Variants in TPRG1 observed in about 807,000 individuals in gnomAD.
The protein encoded by TPRG1 is tumor protein p63 regulated 1.
Under a neutral mutation model 29.3 loss-of-function variants are expected in TPRG1, and 29 were observed. The observed-to-expected ratio is 0.99, with a 90% CI of 0.74 to 1.35. The LOEUF is 1.35. TPRG1 is among the 40% of genes most tolerant of loss of function. TPRG1 has a pLI of 0.00. For missense variants in TPRG1, 327 were observed against 335.0 expected, an observed-to-expected ratio of 0.98 and a Z score of 0.19; for synonymous variants, 130 against 116.8, an observed-to-expected ratio of 1.11 and a Z score of -0.73.
intron 4 of TPRG1, among the ~76,000 whole-genome samples, chr3:189,087,679 T>C (rs1718047343): frequency 1.3e-5 from 2 of 152,228 alleles, no homozygotes; most frequent in South Asian, 4.1e-4. Context: ...GAATTAGTTT[T>C]TGTATAAGGT....
chr3:189,309,939 C>T (rs1722220834), intron 4 of TPRG1: 1 of 152,550 alleles, frequency 6.6e-6, no homozygotes, highest in African/African-American at 2.4e-5. Flanking sequence ...GTATATTCTA[C>T]CATTTAAGAA....
At chr3:189,175,295 G>A (rs1729336545) in intron 1 of TPRG1, among the ~76,000 whole-genome samples, 1 of 152,164 alleles carries the variant, frequency 6.6e-6, no homozygotes, top group South Asian at 2.1e-4. Context: ...GACGTGAGAA[G>A]AGTTTTCAAC....
chr3:189,279,717 C>G (rs1716775821), intron 4 of TPRG1, among the ~76,000 whole-genome samples: 1 of 152,052 alleles, frequency 6.6e-6, no homozygotes, highest in Non-Finnish European at 1.5e-5. Flanking sequence ...GGAAAACACC[C>G]AGTTTGGAGG....
At chr3:189,218,542 G>A (rs995838224) in intron 3 of TPRG1, among the ~76,000 whole-genome samples, 1 of 152,180 alleles carries the variant, frequency 6.6e-6, no homozygotes, top group African/African-American at 2.4e-5. Flanking sequence ...AGCATGCCTG[G>A]CTTTGGAACA....
At chr3:189,111,322 A>C (rs1409680425) in intron 1 of TPRG1, among the ~76,000 whole-genome samples, 1 of 152,072 alleles carries the variant, frequency 6.6e-6, no homozygotes, top group Non-Finnish European at 1.5e-5. Flanking sequence ...TAAATATTTC[A>C]GGCTTTTTGT....
chr3:189,186,058 A>G (rs1730875689), intron 1 of TPRG1, among the ~76,000 whole-genome samples: 1 of 152,198 alleles, frequency 6.6e-6, no homozygotes, highest in Admixed American at 6.5e-5. Context: ...TGCTTCTACT[A>G]GGCTCTAAGC....
chr3:189,071,523 A>G (rs1202116063), intron 4 of TPRG1, among the ~76,000 whole-genome samples: 1 of 152,184 alleles, frequency 6.6e-6, no homozygotes, highest in African/African-American at 2.4e-5. Context: ...AAGCATCAGT[A>G]TGCATCTGTA....
At chr3:189,292,741 T>C (rs1263082412) in intron 4 of TPRG1, among the ~76,000 whole-genome samples, 1 of 152,174 alleles carries the variant, frequency 6.6e-6, no homozygotes, top group Non-Finnish European at 1.5e-5. Context: ...AGGTGACAAG[T>C]TATCATAAAT....
chr3:189,312,817 T>C (rs189427334), intron 5 of TPRG1, among the ~76,000 whole-genome samples: 5 of 152,332 alleles, frequency 3.3e-5, no homozygotes, highest in South Asian at 2.1e-4. Flanking sequence ...GACTAGAGCA[T>C]TGGATTTTGC....
intron 1 of TPRG1, among the ~76,000 whole-genome samples, chr3:189,174,825 G>C (rs1729270167): frequency 6.6e-6 from 1 of 152,184 alleles, no homozygotes; most frequent in Non-Finnish European, 1.5e-5. Context: ...AAGGACAGTT[G>C]ATACTTGCAG....
intron 5 of TPRG1, among the ~76,000 whole-genome samples, chr3:189,157,631 A>T (rs553168176): frequency 2.0e-5 from 3 of 152,312 alleles, no homozygotes; most frequent in African/African-American, 7.2e-5. Context: ...GAAGGAAGCG[A>T]TTCATCTGTT....
intron 3 of TPRG1, among the ~76,000 whole-genome samples, chr3:189,237,297 GCACACA>G: frequency 6.6e-6 from 1 of 150,916 alleles, no homozygotes; most frequent in Non-Finnish European, 1.5e-5. Flanking sequence ...GCACACACAC[GCACACA>G]CACACACGCA....
chr3:189,188,519 T>G (rs1731256357), intron 1 of TPRG1, among the ~76,000 whole-genome samples: 1 of 152,158 alleles, frequency 6.6e-6, no homozygotes, highest in Non-Finnish European at 1.5e-5. Flanking sequence ...GTCACTGCCA[T>G]CCTTCCCTTT....
chr3:189,110,322 AT>A (rs938828761), intron 1 of TPRG1, among the ~76,000 whole-genome samples: 1 of 152,102 alleles, frequency 6.6e-6, no homozygotes, highest in African/African-American at 2.4e-5. Flanking sequence ...TGTGACTTTA[AT>A]TTTCATGGCT....
chr3:189,223,244 C>T (rs150806508), intron 3 of TPRG1, among the ~76,000 whole-genome samples: 366 of 152,300 alleles, frequency 2.4e-3, no homozygotes, highest in Non-Finnish European at 4.1e-3. Context: ...AGGGTCCATC[C>T]GTTGTGTCCT....
At position 189,207,559 on chromosome 3, in the gene TPRG1, C is replaced by T; in HGVS notation, c.175C>T (p.Gln59Ter). The change falls in exon 2 of 6, where the codon CAG (glutamine) becomes TAG (stop). Residue 59 changes from glutamine to a stop codon, truncating the protein, a stop_gained. Transcript: ENST00000345063. LOFTEE classifies it high-confidence loss of function. ...ESTLYPNPYH[Q>*]PYISRKYFAT... ...AACTCTTTACCCCAATCCTTATCAT[C>T]AGCCTTATATCTCACGGAAGTACTT... 1 of 1,614,034 alleles carries T rather than the reference C, an allele frequency of 6.2e-7. No homozygotes were observed. Among genetic ancestry groups the T allele is most frequent in the East Asian group, 2.2e-5 (1 of 44,874 alleles).
intron 4 of TPRG1, among the ~76,000 whole-genome samples, chr3:189,301,899 A>C (rs1022924035): frequency 1.3e-5 from 2 of 152,108 alleles, no homozygotes; most frequent in African/African-American, 4.8e-5. Context: ...TGGACCATGC[A>C]CTTTTCTGTT....
At chr3:189,313,695 A>C (rs1435630435) in intron 5 of TPRG1, among the ~76,000 whole-genome samples, 1 of 152,170 alleles carries the variant, frequency 6.6e-6, no homozygotes, top group Non-Finnish European at 1.5e-5. Flanking sequence ...ACACCAACAA[A>C]ATGCAGGTAT....
chr3:189,100,831 A>G (rs1411484415), intron 1 of TPRG1, among the ~76,000 whole-genome samples: 1 of 152,104 alleles, frequency 6.6e-6, no homozygotes. Flanking sequence ...CAGTGGGGCC[A>G]CTGCGGCTTC....
Sources: gnomAD v4.1 joint callset for allele counts (sites outside exome capture counted in the v4.1 genomes callset) on GRCh38, gnomAD v4.1.1 for gene constraint, MANE v1.5 for transcripts, NCBI Gene and HGNC (gene_info 2026-07-23, HGNC 2026-07-21) for gene names.